Variants in PPP4R3A observed in about 807,000 individuals in gnomAD.
PPP4R3A encodes the protein protein phosphatase 4 regulatory subunit 3A.
A neutral mutation model predicts 91.7 loss-of-function variants in PPP4R3A; 15 were observed. That is an observed-to-expected ratio of 0.16 (90% CI 0.11 to 0.25). The LOEUF (loss-of-function observed/expected upper bound fraction) is 0.25. Ranked by LOEUF, PPP4R3A falls within the 10% of genes least tolerant of loss-of-function variation. The probability of loss-of-function intolerance (pLI) is 1.00; values close to 1 mark genes in which losing one functional copy is unlikely to be tolerated. For synonymous variants in PPP4R3A, 377 were observed against 348.7 expected, an observed-to-expected ratio of 1.08 and a Z score of -0.91; for missense variants, 623 against 998.4, an observed-to-expected ratio of 0.62 and a Z score of 5.07.
intron 1 of PPP4R3A, among the ~76,000 whole-genome samples, chr14:91,498,317 A>G (rs1222958237): frequency 6.6e-6 from 1 of 151,906 alleles, no homozygotes; most frequent in Non-Finnish European, 1.5e-5. Flanking sequence ...CCTAATTGAC[A>G]GTGAGACTCT....
chr14:91,479,293 C>CAT (rs372315479), intron 4 of PPP4R3A, among the ~76,000 whole-genome samples: 1 of 144,088 alleles, frequency 6.9e-6, no homozygotes, highest in Non-Finnish European at 1.5e-5. Context: ...TAAAAAACAA[C>CAT]GTGTGTGTGT....
intron 1 of PPP4R3A, among the ~76,000 whole-genome samples, chr14:91,508,243 T>G (rs568353020): frequency 6.6e-6 from 1 of 152,204 alleles, no homozygotes. Flanking sequence ...TTAAGTTACT[T>G]TGGGTAACCT....
intron 4 of PPP4R3A, among the ~76,000 whole-genome samples, chr14:91,478,725 T>G (rs529792050): frequency 3.3e-4 from 47 of 142,310 alleles, no homozygotes; most frequent in African/African-American, 1.1e-3. Flanking sequence ...ACTCAGTATT[T>G]TAGTTCATAC....
intron 10 of PPP4R3A, among the ~76,000 whole-genome samples, chr14:91,467,335 G>T (rs555422993): frequency 3.9e-5 from 6 of 152,284 alleles, no homozygotes; most frequent in African/African-American, 1.4e-4. Context: ...GATAGGCCAA[G>T]TTGGCACTGC....
chr14:91,478,004 T>C (rs1194810726), intron 4 of PPP4R3A, among the ~76,000 whole-genome samples: 3 of 152,212 alleles, frequency 2.0e-5, no homozygotes, highest in Admixed American at 2.0e-4. Context: ...ACTTAAGCCC[T>C]AGACATGCCT....
intron 7 of PPP4R3A, among the ~76,000 whole-genome samples, chr14:91,473,663 T>A: frequency 6.6e-6 from 1 of 152,266 alleles, no homozygotes; most frequent in East Asian, 1.9e-4. Context: ...AACTTTCTAA[T>A]AATGTAATCT....
At chr14:91,465,465 A>G (rs1420466306) in intron 10 of PPP4R3A, 46 bp from the exon 11 acceptor site, 5 of 1,487,950 alleles carry the variant, frequency 3.4e-6, no homozygotes, top group Non-Finnish European at 4.5e-6. Flanking sequence ...CCACTCTTCC[A>G]TACTTTAGAC....
intron 1 of PPP4R3A, among the ~76,000 whole-genome samples, chr14:91,493,360 T>A (rs183984516): frequency 8.1e-5 from 12 of 148,864 alleles, no homozygotes; most frequent in Non-Finnish European, 1.3e-4. Context: ...CTGGATGAGG[T>A]AGGGCATGCC....
At chr14:91,463,935 G>A (rs908631168) in intron 11 of PPP4R3A, among the ~76,000 whole-genome samples, 1 of 152,004 alleles carries the variant, frequency 6.6e-6, no homozygotes, top group East Asian at 1.9e-4. Flanking sequence ...AGTGGCTCTG[G>A]TATCTGTTGT....
At chr14:91,480,024 C>T (rs117456014) in intron 4 of PPP4R3A, among the ~76,000 whole-genome samples, 3,380 of 152,144 alleles carry the variant, frequency 0.022, 66 homozygotes, top group Non-Finnish European at 0.034. Flanking sequence ...GTGTTACAAA[C>T]GCAAATTATT....
In PPP4R3A at chr14:91,481,591, A is replaced by G. The variant is rs2140113699; in HGVS notation, c.900T>C (p.Ile300=). 1 of 1,561,496 alleles carries G rather than the reference A, an allele frequency of 6.4e-7. No individual in the cohort carries two copies. Among genetic ancestry groups the G allele is most frequent in the Non-Finnish European group, 8.6e-7 (1 of 1,158,546 alleles). ...HSFIFFNKVE[I]VGMLQEDEKF... ...TCTAACTCACCTGCAACATGCCAAC[A>G]ATCTCTACCTTATTGAAAAAGATAA... The change falls in exon 4 of 15, where the codon ATT becomes ATC. Residue 300 remains isoleucine (I), a synonymous_variant. Coordinates refer to ENST00000554943, the MANE Select transcript of PPP4R3A (RefSeq NM_001366432.2).
intron 3 of PPP4R3A, among the ~76,000 whole-genome samples, chr14:91,484,582 T>C (rs962691548): frequency 2.0e-5 from 3 of 152,210 alleles, no homozygotes; most frequent in African/African-American, 7.2e-5. Flanking sequence ...GTCTGGCCTA[T>C]AGGGCTTGTG....
At chr14:91,470,169 C>CA in intron 10 of PPP4R3A, among the ~76,000 whole-genome samples, 1 of 152,246 alleles carries the variant, frequency 6.6e-6, no homozygotes, top group East Asian at 1.9e-4. Context: ...AACAACTTAC[C>CA]AGTAAGGACC....
rs755255219 is a variant in PPP4R3A, at chr14:91,493,609, G to A, written c.143-2807C>T. Among the ~76,000 whole-genome samples the A allele has an allele frequency of 1.2e-4, 17 of 145,432 alleles. 1 individual carries two copies. The South Asian group carries it at 2.0e-3, about 17-fold the overall frequency. On this transcript the variant is annotated intron_variant, in intron 1 of 14. Coordinates refer to ENST00000554943, the MANE Select transcript of PPP4R3A (RefSeq NM_001366432.2). ...AGCCTGGTCTCATATATAGGATGGT[G>A]AGACCCCATACTATATATTTTTAAT...
intron 3 of PPP4R3A, among the ~76,000 whole-genome samples, chr14:91,483,581 TTATTA>T (rs1190367975): frequency 2.0e-5 from 3 of 152,218 alleles, no homozygotes; most frequent in African/African-American, 7.2e-5. Context: ...AGGAGTGCCC[TTATTA>T]TATTAAGAAT....
intron 9 of PPP4R3A, among the ~76,000 whole-genome samples, chr14:91,472,111 T>C (rs558512923): frequency 1.1e-4 from 17 of 150,040 alleles, no homozygotes; most frequent in Non-Finnish European, 1.8e-4. Flanking sequence ...AATAATGTAT[T>C]TACTCCTAAA....
At position 91,509,657 on chromosome 14, in the gene PPP4R3A, C is replaced by T. The variant is rs746517637; in HGVS notation, c.-10G>A. 1.4e-5 allele frequency: 23 copies of T among 1,589,894 alleles called. No homozygotes were observed. In the African/African-American group the frequency reaches 2.8e-4, roughly 20 times the overall value. On this transcript the variant is annotated 5_prime_UTR_variant, in exon 1 of 15. Transcript: ENST00000554943. Reference sequence around the variant, plus strand: ...GCCGGGTGTCGGTCATCGTGCCGCCCGGGAACCGGGGCGGGGGCCCCGCCA... The same window carrying T: ...GCCGGGTGTCGGTCATCGTGCCGCCTGGGAACCGGGGCGGGGGCCCCGCCA...
intron 1 of PPP4R3A, among the ~76,000 whole-genome samples, chr14:91,501,652 A>G (rs1008384352): frequency 5.3e-5 from 8 of 151,954 alleles, no homozygotes; most frequent in Admixed American, 3.3e-4. Flanking sequence ...TCCCGCCTCA[A>G]AAAAAGAAAA....
intron 8 of PPP4R3A, 28 bp downstream of exon 8, chr14:91,473,211 A>G: frequency 6.2e-7 from 1 of 1,612,472 alleles, no homozygotes; most frequent in Non-Finnish European, 8.5e-7. Flanking sequence ...ACTAGCTATG[A>G]AAAAGAGGGG....
Sources: gnomAD v4.1 joint callset for allele counts (sites outside exome capture counted in the v4.1 genomes callset) on GRCh38, gnomAD v4.1.1 for gene constraint, MANE v1.5 for transcripts, NCBI Gene and HGNC (gene_info 2026-07-23, HGNC 2026-07-21) for gene names.